Variants in RANBP2 observed in about 807,000 individuals in gnomAD.
The protein encoded by RANBP2 is E3 SUMO-protein ligase RanBP2.
A neutral mutation model predicts 303.6 loss-of-function variants in RANBP2; 57 were observed. The ratio of observed to expected loss-of-function variants is 0.19; its 90% CI spans 0.15 to 0.23. The LOEUF is 0.23. Among genes scored for constraint, RANBP2 ranks in the 10% least tolerant of loss-of-function variants. The probability of loss-of-function intolerance (pLI) is 1.00; values close to 1 mark genes in which losing one functional copy is unlikely to be tolerated. For synonymous variants in RANBP2, 1,167 were observed against 1,301.5 expected, an observed-to-expected ratio of 0.90 and a Z score of 2.23; for missense variants, 3,138 against 3,780.8, an observed-to-expected ratio of 0.83 and a Z score of 4.46.
At chr2:109,671,720 G>A in the RANBP2 span, among the ~76,000 whole-genome samples, 1 of 151,950 alleles carries the variant, frequency 6.6e-6, no homozygotes, top group South Asian at 2.1e-4. Flanking sequence ...ATCAGGAAGG[G>A]GAAAAAAGGT....
chr2:109,274,423 C>T, the RANBP2 span, among the ~76,000 whole-genome samples: 188 of 152,280 alleles, frequency 1.2e-3, 1 homozygote, highest in African/African-American at 4.2e-3. Flanking sequence ...AAAATGTGGC[C>T]TGTGCCTGCA....
chr2:108,889,663 C>G, the RANBP2 span, among the ~76,000 whole-genome samples: 4 of 151,978 alleles, frequency 2.6e-5, no homozygotes, highest in South Asian at 8.3e-4. Flanking sequence ...CATCACTTTA[C>G]TTTCAGATGT....
chr2:109,363,180 G>A, the RANBP2 span, among the ~76,000 whole-genome samples: 1 of 151,616 alleles, frequency 6.6e-6, no homozygotes, highest in Admixed American at 6.6e-5. Context: ...TTTTTATTGA[G>A]CATTTTTTAT....
the RANBP2 span, among the ~76,000 whole-genome samples, chr2:109,450,114 G>A: frequency 2.6e-5 from 4 of 152,216 alleles, no homozygotes; most frequent in South Asian, 2.1e-4. Flanking sequence ...GGGAGGCTGA[G>A]GCGGGCGGAT....
At chr2:109,641,118 G>A in the RANBP2 span, among the ~76,000 whole-genome samples, 3 of 147,842 alleles carry the variant, frequency 2.0e-5, no homozygotes, top group Non-Finnish European at 4.5e-5. Flanking sequence ...GAAAACAAAA[G>A]GAATGGTTTT....
the RANBP2 span, among the ~76,000 whole-genome samples, chr2:108,864,612 A>G: frequency 1.7e-4 from 26 of 152,138 alleles, no homozygotes; most frequent in Admixed American, 1.7e-3. Flanking sequence ...CCTGGCTAAC[A>G]TGGTGAAACC....
the RANBP2 span, among the ~76,000 whole-genome samples, chr2:109,230,125 A>AT: frequency 1.5e-4 from 22 of 148,712 alleles, no homozygotes; most frequent in African/African-American, 3.5e-4. Context: ...CACCTGGCCG[A>AT]TTTTTTTTTT....
the RANBP2 span, among the ~76,000 whole-genome samples, chr2:108,872,312 A>G: frequency 6.6e-6 from 1 of 152,092 alleles, no homozygotes; most frequent in Non-Finnish European, 1.5e-5. Context: ...ATTCCATCCC[A>G]GTACCCCAAA....
chr2:109,296,243 T>C, the RANBP2 span, among the ~76,000 whole-genome samples: 3 of 151,986 alleles, frequency 2.0e-5, no homozygotes, highest in African/African-American at 7.3e-5. Context: ...TTATTATTAT[T>C]CGAGATGGAG....
the RANBP2 span, among the ~76,000 whole-genome samples, chr2:109,696,080 C>A: frequency 3.3e-5 from 5 of 152,096 alleles, no homozygotes; most frequent in African/African-American, 1.2e-4. Context: ...TCTCCTGCCT[C>A]AGCCTCCCAA....
intron 24 of RANBP2, among the ~76,000 whole-genome samples, 176 bp from the exon 25 acceptor site, chr2:108,776,954 A>C (rs1677932354): frequency 6.6e-6 from 1 of 152,126 alleles, no homozygotes; most frequent in Non-Finnish European, 1.5e-5. Flanking sequence ...AGCACCTGTA[A>C]AATTAGTAAT....
At chr2:108,983,500 G>T in the RANBP2 span, among the ~76,000 whole-genome samples, 20 of 152,060 alleles carry the variant, frequency 1.3e-4, no homozygotes, top group Admixed American at 1.3e-3. Flanking sequence ...AGCATTCCCC[G>T]TGGCCTTCCA....
chr2:109,584,647 A>G, the RANBP2 span, among the ~76,000 whole-genome samples: 1 of 152,186 alleles, frequency 6.6e-6, no homozygotes, highest in Non-Finnish European at 1.5e-5. Context: ...ATAGAGACAC[A>G]AGGTAAAATA....
the RANBP2 span, among the ~76,000 whole-genome samples, chr2:109,039,280 A>G: frequency 6.6e-6 from 1 of 152,162 alleles, no homozygotes; most frequent in Admixed American, 6.5e-5. Flanking sequence ...GCCAATTCTA[A>G]AATAAATCTC....
At chr2:108,865,190 T>C in the RANBP2 span, among the ~76,000 whole-genome samples, 3 of 152,132 alleles carry the variant, frequency 2.0e-5, no homozygotes, top group African/African-American at 7.2e-5. Flanking sequence ...GAAGATCTTA[T>C]ATAAATGCAT....
chr2:108,896,857 C>T, the RANBP2 span: 1 of 1,568,100 alleles, frequency 6.4e-7, no homozygotes, highest in African/African-American at 1.4e-5. Context: ...CTCCAGAGCC[C>T]TCGTTGGCTC....
At chr2:108,970,792 C>T in the RANBP2 span, among the ~76,000 whole-genome samples, 5 of 152,158 alleles carry the variant, frequency 3.3e-5, no homozygotes, top group African/African-American at 7.2e-5. Context: ...AAGATAAGTT[C>T]GGAAAATACA....
the RANBP2 span, among the ~76,000 whole-genome samples, chr2:109,592,646 G>A: frequency 2.0e-5 from 3 of 151,108 alleles, no homozygotes; most frequent in Non-Finnish European, 4.4e-5. Context: ...CGGACGTGGT[G>A]GTGGTCACCT....
chr2:109,254,847 T>G, the RANBP2 span, among the ~76,000 whole-genome samples: 2 of 152,168 alleles, frequency 1.3e-5, no homozygotes, highest in African/African-American at 2.4e-5. Flanking sequence ...GGGCAGTATC[T>G]GCTCTCTGTG....
Sources: allele counts gnomAD v4.1 joint callset (sites outside exome capture counted in the v4.1 genomes callset), GRCh38; gene constraint gnomAD v4.1.1; transcripts MANE v1.5; gene names NCBI Gene and HGNC (gene_info 2026-07-23, HGNC 2026-07-21).